The following PROS1 variants were observed in gnomAD, a reference collection of about 807,000 sequenced individuals.
PROS1 encodes the protein vitamin K-dependent protein S.
A neutral mutation model predicts 75.9 loss-of-function variants in PROS1; 29 were observed. The ratio of observed to expected loss-of-function variants is 0.38; its 90% CI spans 0.28 to 0.52. The LOEUF (loss-of-function observed/expected upper bound fraction) is 0.52, where lower values mean the gene tolerates loss of function less well. Ranked by LOEUF, PROS1 falls within the 20% of genes least tolerant of loss-of-function variation. The probability of loss-of-function intolerance (pLI) is 0.83; values close to 1 mark genes in which losing one functional copy is unlikely to be tolerated. For synonymous variants in PROS1, 245 were observed against 280.6 expected (o/e 0.87, Z 1.27); for missense variants, 680 against 810.3 (o/e 0.84, Z 1.95).
rs1162634247 is a variant in PROS1 at position 93,873,881 on chromosome 3, T to C, written c.*364A>G. 4.0e-6 allele frequency: 1 copy of C among 247,020 alleles called. No individual in the cohort carries two copies. The highest frequency in any genetic ancestry group is 8.0e-6 in the Non-Finnish European group (1 of 125,648). The allele number at this position is 247,020 out of a possible 1,614,324, so 15.3% of individuals were successfully genotyped here. On this transcript the variant is annotated 3_prime_UTR_variant, in exon 15 of 15. Coordinates refer to ENST00000394236, the MANE Select transcript of PROS1 (RefSeq NM_000313.4). ...TTAATAGTATTTAATTACACGCACT[T>C]TTGTTTGAGTTTACTTCCTTGCTTT...
chr3:93,955,967 T>C (rs575330607), intron 1 of PROS1, among the ~76,000 whole-genome samples: 3 of 152,320 alleles, frequency 2.0e-5, no homozygotes, highest in Non-Finnish European at 4.4e-5. Context: ...TATTTGACTC[T>C]ATCCTGACTA....
intron 12 of PROS1, among the ~76,000 whole-genome samples, chr3:93,880,054 C>T (rs1708253020): frequency 6.6e-6 from 1 of 152,166 alleles, no homozygotes; most frequent in Non-Finnish European, 1.5e-5. Context: ...AAGTCTTCCT[C>T]ATTTAATATG....
chr3:93,904,358 C>T (rs868383212), intron 6 of PROS1, among the ~76,000 whole-genome samples: 2 of 152,156 alleles, frequency 1.3e-5, no homozygotes, highest in Non-Finnish European at 2.9e-5. Context: ...CAAACTCAAA[C>T]AGACCTTCAA....
intron 1 of PROS1, among the ~76,000 whole-genome samples, chr3:93,949,503 T>C (rs1709458770): frequency 6.6e-6 from 1 of 151,732 alleles, no homozygotes; most frequent in Admixed American, 6.6e-5. Context: ...AAAAACACAA[T>C]CTGTACTAGT....
At chr3:93,898,207 G>C (rs1708531460) in intron 8 of PROS1, among the ~76,000 whole-genome samples, 1 of 151,918 alleles carries the variant, frequency 6.6e-6, no homozygotes, top group Non-Finnish European at 1.5e-5. Flanking sequence ...ACAGACTACA[G>C]ATAAGTACTC....
At chr3:93,923,342 T>C (rs1576196209) in intron 3 of PROS1, among the ~76,000 whole-genome samples, 1 of 152,304 alleles carries the variant, frequency 6.6e-6, no homozygotes, top group East Asian at 1.9e-4. Context: ...CTCTACAGTA[T>C]TGTGCGTGCA....
intron 4 of PROS1, among the ~76,000 whole-genome samples, chr3:93,909,787 ATTTT>A (rs1361754594): frequency 6.6e-6 from 1 of 151,962 alleles, no homozygotes. Flanking sequence ...TAATTCCATA[ATTTT>A]TTAAAAAAGT....
chr3:93,965,345 G>T (rs1480805216), intron 1 of PROS1, among the ~76,000 whole-genome samples: 3 of 152,150 alleles, frequency 2.0e-5, no homozygotes, highest in African/African-American at 7.2e-5. Context: ...AAGGGTGTCC[G>T]CTGTGCTCCT....
Position 93,879,252 on chromosome 3 carries a change from C to T in PROS1, c.1555G>A (p.Gly519Ser). Residue 519 changes from glycine (G) to serine (S), a missense_variant, in exon 13 of 15, where the codon GGC becomes AGC. Physicochemically the swap from Gly to Ser is moderately conservative, Grantham distance 56. Coordinates refer to ENST00000394236, the MANE Select transcript of PROS1 (RefSeq NM_000313.4). ...ACCAAGGCAAGCATAACACCAGTGC[C>T]CGTGGATGGACGAATATTCAAGGTC... ...NVTLNIRPST[G>S]TGVMLALVSG... 6.2e-7 allele frequency: 1 copy of T among 1,614,044 alleles called. No individual in the cohort carries two copies. Among genetic ancestry groups the T allele is most frequent in the African/African-American group, 1.3e-5 (1 of 75,014 alleles).
At chr3:93,892,624 CAA>C (rs879821259) in intron 10 of PROS1, among the ~76,000 whole-genome samples, 6 of 123,736 alleles carry the variant, frequency 4.8e-5, no homozygotes, top group African/African-American at 5.9e-5. Context: ...AACTCTGTCT[CAA>C]AAAAAAAAAA....
In PROS1 at chr3:93,927,251, G is replaced by C; in HGVS notation, c.233C>G (p.Thr78Arg). 1 of 1,612,212 alleles carries C rather than the reference G, an allele frequency of 6.2e-7. No individual in the cohort carries two copies. The highest frequency in any genetic ancestry group is 8.5e-7 in the Non-Finnish European group (1 of 1,179,996). ...TTGATAGTTTCCATAAATGCTTACC[G>C]TTTCCGGGTCATTTTCAAAGACCTC... ...AREVFENDPE[T>R]DYFYPKYLVC... The change falls in exon 2 of 15, where the codon ACG (threonine) becomes AGG (arginine). Residue 78 changes from threonine (T) to arginine (R), a missense_variant and splice_region_variant. Coordinates refer to ENST00000394236, the MANE Select transcript of PROS1 (RefSeq NM_000313.4).
intron 1 of PROS1, among the ~76,000 whole-genome samples, chr3:93,964,325 T>C (rs755835933): frequency 1.3e-5 from 2 of 152,170 alleles, no homozygotes; most frequent in Non-Finnish European, 2.9e-5. Context: ...TAGGAGAACA[T>C]TGCTAAATTC....
chr3:93,877,289 A>G (rs1033846254), intron 13 of PROS1, 98 bp from the exon 14 acceptor site: 35 of 864,692 alleles, frequency 4.0e-5, no homozygotes, highest in Middle Eastern at 2.7e-4. Flanking sequence ...CTAAATTTCA[A>G]TAAGGAAAGA....
At chr3:93,894,797 T>C (rs1708477772) in intron 9 of PROS1, among the ~76,000 whole-genome samples, 2 of 152,216 alleles carry the variant, frequency 1.3e-5, no homozygotes, top group Admixed American at 6.5e-5. Context: ...AGGGGCAGTT[T>C]ATAAAAATTC....
At chr3:93,969,394 C>A (rs902833939) in intron 1 of PROS1, among the ~76,000 whole-genome samples, 4 of 152,100 alleles carry the variant, frequency 2.6e-5, no homozygotes, top group Non-Finnish European at 5.9e-5. Context: ...GTTAGACAGC[C>A]AATAATTAGA....
At chr3:93,892,444 G>A (rs1420910642) in intron 10 of PROS1, among the ~76,000 whole-genome samples, 1 of 151,942 alleles carries the variant, frequency 6.6e-6, no homozygotes, top group Non-Finnish European at 1.5e-5. Context: ...GACCAACACG[G>A]AGAAACCCCG....
intron 1 of PROS1, among the ~76,000 whole-genome samples, chr3:93,947,396 GA>G (rs1709421651): frequency 1.3e-5 from 2 of 151,910 alleles, no homozygotes; most frequent in South Asian, 4.2e-4. Flanking sequence ...CAGAAACCAG[GA>G]TTCTAGCCCT....
intron 1 of PROS1, among the ~76,000 whole-genome samples, chr3:93,963,699 TAGA>T (rs62832761): frequency 0.38 from 56,920 of 151,724 alleles, 11,581 homozygotes; most frequent in East Asian, 0.52. Context: ...GAGCGCGAGC[TAGA>T]AGGAGAGGTC....
chr3:93,965,931 G>A (rs1709781937), intron 1 of PROS1, among the ~76,000 whole-genome samples: 1 of 152,122 alleles, frequency 6.6e-6, no homozygotes, highest in South Asian at 2.1e-4. Flanking sequence ...CTGACCTCAA[G>A]TGATCCACCT....
Sources: gnomAD v4.1 joint callset for allele counts (sites outside exome capture counted in the v4.1 genomes callset) on GRCh38, gnomAD v4.1.1 for gene constraint, MANE v1.5 for transcripts, NCBI Gene and HGNC (gene_info 2026-07-23, HGNC 2026-07-21) for gene names.